WDFY1: variants seen among roughly 807,000 people sequenced by gnomAD.
The protein encoded by WDFY1 is WD repeat and FYVE domain containing 1.
In WDFY1, 32 loss-of-function variants were observed where a neutral mutation model predicts 56.4. The ratio of observed to expected loss-of-function variants is 0.57; its 90% CI spans 0.43 to 0.76. WDFY1 has a LOEUF of 0.76. Among genes scored for constraint, WDFY1 ranks in the 30% least tolerant of loss-of-function variants. The probability of loss-of-function intolerance (pLI) is 0.00; values close to 1 mark genes in which losing one functional copy is unlikely to be tolerated. For missense variants in WDFY1, 480 were observed against 545.7 expected (o/e 0.88, Z 1.20); for synonymous variants, 192 against 197.3 (o/e 0.97, Z 0.23).
intron 1 of WDFY1, among the ~76,000 whole-genome samples, chr2:223,944,174 G>A (rs185186310): frequency 6.6e-6 from 1 of 152,240 alleles, no homozygotes; most frequent in African/African-American, 2.4e-5. Context: ...CTGGCGTGGC[G>A]TGAAATCCCT....
chr2:223,876,490 C>T lies in WDFY1; in HGVS notation c.*2181G>A, dbSNP rs1291954911. 1 of 152,442 alleles carries T rather than the reference C, an allele frequency of 6.6e-6. No homozygotes were observed. The highest frequency in any genetic ancestry group is 2.1e-4 in the South Asian group (1 of 4,834). The allele number at this position is 152,442 out of a possible 1,614,324, so 9.4% of individuals were successfully genotyped here. A position where few individuals can be genotyped will look rare whatever the true frequency, so the allele number is the denominator to read the frequency against. ...TGTCTCTAAAAAGAAAAATGATAGGCCTGGTGGAGAGCAAGCTATATGGAA... is the reference window on the plus strand; with the variant it reads ...TGTCTCTAAAAAGAAAAATGATAGGTCTGGTGGAGAGCAAGCTATATGGAA... On this transcript the variant is annotated 3_prime_UTR_variant, in exon 12 of 12. Coordinates refer to ENST00000233055, the MANE Select transcript of WDFY1 (RefSeq NM_020830.5).
chr2:223,909,975 C>A (rs1419141933), intron 3 of WDFY1, among the ~76,000 whole-genome samples: 1 of 152,186 alleles, frequency 6.6e-6, no homozygotes, highest in Non-Finnish European at 1.5e-5. Context: ...TAAAGCTTTA[C>A]CCAGACCTAC....
intron 9 of WDFY1, among the ~76,000 whole-genome samples, chr2:223,884,045 CTTTTT>C: frequency 7.1e-6 from 1 of 141,088 alleles, no homozygotes; most frequent in Middle Eastern, 3.6e-3. Flanking sequence ...TACTTACCTG[CTTTTT>C]TTTTTTTTTG....
chr2:223,914,325 C>T (rs1452806110), intron 2 of WDFY1, among the ~76,000 whole-genome samples: 1 of 152,186 alleles, frequency 6.6e-6, no homozygotes, highest in African/African-American at 2.4e-5. Flanking sequence ...AAAGCCATCA[C>T]TGCAGTCCAA....
intron 1 of WDFY1, among the ~76,000 whole-genome samples, chr2:223,943,157 C>T (rs1304374217): frequency 2.0e-5 from 3 of 148,074 alleles, no homozygotes; most frequent in African/African-American, 7.4e-5. Context: ...CTCCATCCAG[C>T]CTGGGTGACA....
At chr2:223,881,353 G>A (rs1489470613) in intron 10 of WDFY1, among the ~76,000 whole-genome samples, 1 of 152,198 alleles carries the variant, frequency 6.6e-6, no homozygotes, top group African/African-American at 2.4e-5. Flanking sequence ...GGATGCAGAG[G>A]CTCAGGGTAT....
At chr2:223,931,722 T>C (rs1228488561) in intron 1 of WDFY1, among the ~76,000 whole-genome samples, 2 of 151,404 alleles carry the variant, frequency 1.3e-5, no homozygotes, top group Non-Finnish European at 2.9e-5. Context: ...AGTCTTGCTC[T>C]GTTGCACAGG....
At chr2:223,900,539 C>A (rs961022103) in intron 5 of WDFY1, among the ~76,000 whole-genome samples, 5 of 152,030 alleles carry the variant, frequency 3.3e-5, no homozygotes, top group Admixed American at 1.3e-4. Flanking sequence ...AAGCAAATTC[C>A]ATGTAGTAGC....
chr2:223,938,821 G>A (rs938201276), intron 1 of WDFY1, among the ~76,000 whole-genome samples: 7 of 149,550 alleles, frequency 4.7e-5, no homozygotes, highest in Non-Finnish European at 8.9e-5. Context: ...TATCCCAGAA[G>A]GTGACAAAAA....
At chr2:223,911,808 C>A (rs1468356627) in intron 3 of WDFY1, among the ~76,000 whole-genome samples, 1 of 115,148 alleles carries the variant, frequency 8.7e-6, no homozygotes, top group African/African-American at 3.3e-5. Context: ...AATATCTATA[C>A]TGAATTAAAC....
At chr2:223,936,493 C>G (rs991185130) in intron 1 of WDFY1, among the ~76,000 whole-genome samples, 2 of 152,286 alleles carry the variant, frequency 1.3e-5, no homozygotes, top group South Asian at 2.1e-4. Context: ...TGCTGGAACT[C>G]AGGGAAGCCA....
intron 2 of WDFY1, among the ~76,000 whole-genome samples, chr2:223,914,712 G>C (rs549262909): frequency 6.6e-6 from 1 of 152,292 alleles, no homozygotes; most frequent in Non-Finnish European, 1.5e-5. Flanking sequence ...TCTAACCTCA[G>C]CTTGCTTATT....
At chr2:223,942,636 C>T (rs1163658962) in intron 1 of WDFY1, among the ~76,000 whole-genome samples, 28 of 137,214 alleles carry the variant, frequency 2.0e-4, no homozygotes, top group South Asian at 1.9e-3. Context: ...CCCGGGTTCA[C>T]GCCATTCTCC....
At chr2:223,904,692 T>C (rs983712790) in intron 4 of WDFY1, among the ~76,000 whole-genome samples, 1 of 152,208 alleles carries the variant, frequency 6.6e-6, no homozygotes, top group African/African-American at 2.4e-5. Context: ...TACACTCTAA[T>C]TTTTACCTTT....
At chr2:223,941,309 G>A (rs1232348683) in intron 1 of WDFY1, among the ~76,000 whole-genome samples, 3 of 151,932 alleles carry the variant, frequency 2.0e-5, no homozygotes, top group African/African-American at 7.3e-5. Flanking sequence ...CGGACACTGG[G>A]TCCTTCTAGC....
intron 1 of WDFY1, among the ~76,000 whole-genome samples, chr2:223,934,628 C>T (rs1694138358): frequency 6.6e-6 from 1 of 152,168 alleles, no homozygotes; most frequent in African/African-American, 2.4e-5. Context: ...TCAAGTGATT[C>T]TCCTGCCTCG....
chr2:223,927,697 T>C (rs1323882410), intron 1 of WDFY1, among the ~76,000 whole-genome samples: 1 of 152,240 alleles, frequency 6.6e-6, no homozygotes, highest in Non-Finnish European at 1.5e-5. Flanking sequence ...TCAAGAACTT[T>C]TCATTTGCAT....
intron 1 of WDFY1, among the ~76,000 whole-genome samples, chr2:223,926,415 G>A (rs186605116): frequency 6.6e-6 from 1 of 152,244 alleles, no homozygotes; most frequent in East Asian, 1.9e-4. Flanking sequence ...ACAAGCATGA[G>A]CCAGTATGCC....
At chr2:223,933,346 A>ATTT (rs35417214) in intron 1 of WDFY1, among the ~76,000 whole-genome samples, 10 of 147,080 alleles carry the variant, frequency 6.8e-5, no homozygotes, top group Admixed American at 1.4e-4. Flanking sequence ...AAACCTGCAG[A>ATTT]TTTTTTTTTT....
Sources: gnomAD v4.1 joint callset for allele counts (sites outside exome capture counted in the v4.1 genomes callset) on GRCh38, gnomAD v4.1.1 for gene constraint, MANE v1.5 for transcripts, NCBI Gene and HGNC (gene_info 2026-07-23, HGNC 2026-07-21) for gene names.